The following RSPH1 variants were observed in gnomAD, a reference collection of about 807,000 sequenced individuals.
RSPH1 encodes radial spoke head 1 homolog.
A neutral mutation model predicts 44.2 loss-of-function variants in RSPH1; 32 were observed. That is an observed-to-expected ratio of 0.72 (90% CI 0.55 to 0.97). The LOEUF (loss-of-function observed/expected upper bound fraction) is 0.97, where lower values mean the gene tolerates loss of function less well. Among genes scored for constraint, RSPH1 ranks in the 50% least tolerant of loss-of-function variants. RSPH1 has a pLI of 0.00. For missense variants in RSPH1, 391 were observed against 398.7 expected (o/e 0.98, Z 0.16); for synonymous variants, 134 against 147.3 (o/e 0.91, Z 0.65).
In RSPH1 at chr21:42,474,394, G is replaced by A. The variant is rs1436758685; in HGVS notation, c.877+1504C>T. Among the ~76,000 whole-genome samples, 1 of 151,518 alleles carries A rather than the reference G, an allele frequency of 6.6e-6. No homozygotes were observed. Among genetic ancestry groups the A allele is most frequent in the African/African-American group, 2.4e-5 (1 of 40,830 alleles). ...GAGTCATCACCTCTCCTGGGTACAT[G>A]GTAACACGTCCCTGTCACTGCAGGG... is the stretch of plus-strand genomic sequence containing the variant. On this transcript the variant is annotated intron_variant, in intron 8 of 8. Transcript: ENST00000291536. The surrounding 1 kb of genome is among the most constrained non-coding windows in gnomAD (Gnocchi z 5.2).
At chr21:42,492,458 T>C (rs1166084811) in intron 3 of RSPH1, among the ~76,000 whole-genome samples, 1 of 152,206 alleles carries the variant, frequency 6.6e-6, no homozygotes, top group African/African-American at 2.4e-5. Context: ...AAGCCGTGGG[T>C]CCACCAGCTG....
At position 42,477,183 on chromosome 21, in the gene RSPH1, A is replaced by C. The variant is rs11700646; in HGVS notation, c.727+108T>G. 1,693 of 87,912 alleles carry C rather than the reference A, an allele frequency of 0.019. 194 individuals are homozygous for C. The African/African-American group carries it at 0.32, about 17-fold the overall frequency. The allele number at this position is 87,912 out of a possible 1,614,324, so 5.4% of individuals were successfully genotyped here. ...GCCCGGGGATGCCCCACACCCTCTG[A>C]CCCCTCCACCCCACAGCCCGGGGAT... On this transcript the variant is annotated intron_variant, in intron 7 of 8. Coordinates refer to ENST00000291536, the MANE Select transcript of RSPH1 (RefSeq NM_080860.4).
chr21:42,496,217 G>T lies in RSPH1; in HGVS notation c.-31C>A, dbSNP rs1351464346. On this transcript the variant is annotated 5_prime_UTR_variant, in exon 1 of 9. It adds an upstream start codon to the 5' untranslated region. Transcript: ENST00000291536. ...CGCCCCAGCCTGGATCACAGCCGCA[G>T]CGCCTCTAGCAGGTGGGTAGCAACC... is the stretch of plus-strand genomic sequence containing the variant. 12 of 1,613,524 alleles carry T rather than the reference G, an allele frequency of 7.4e-6. No individual in the cohort carries two copies. Among genetic ancestry groups the T allele is most frequent in the Non-Finnish European group, 1.0e-5 (12 of 1,179,652 alleles).
At chr21:42,490,938 G>A (rs1268849753) in intron 3 of RSPH1, among the ~76,000 whole-genome samples, 1 of 152,190 alleles carries the variant, frequency 6.6e-6, no homozygotes, top group African/African-American at 2.4e-5. Flanking sequence ...AGCTTCTGGG[G>A]TGATAAACAT....
intron 1 of RSPH1, 166 bp downstream of exon 1, chr21:42,495,967 A>C: frequency 1.5e-6 from 1 of 667,150 alleles, no homozygotes; most frequent in Middle Eastern, 2.5e-4. Flanking sequence ...ATCAACTTCC[A>C]GGACGCACGC....
Position 42,476,973 on chromosome 21 carries a change from TG to T in RSPH1, c.727+317del, listed in dbSNP as rs1286171522. Among the ~76,000 whole-genome samples, 5 of 84,534 alleles carry T rather than the reference TG, an allele frequency of 5.9e-5. No homozygotes were observed. In the East Asian group the frequency reaches 1.4e-3, roughly 23 times the overall value. The allele number at this position is 84,534 out of a possible 152,430, so 55.5% of individuals were successfully genotyped here. Reference sequence around the variant, plus strand: ...CGCCCACACCCTCCATCCCACAGCCTGGGGATGCCCCACACCCTCTGTCCCA... The same window carrying T: ...CGCCCACACCCTCCATCCCACAGCCTGGGATGCCCCACACCCTCTGTCCCA... On this transcript the variant is annotated intron_variant, in intron 7 of 8. Coordinates refer to ENST00000291536, the MANE Select transcript of RSPH1 (RefSeq NM_080860.4).
At chr21:42,495,994 G>A (rs1354720438) in intron 1 of RSPH1, 139 bp downstream of exon 1, 1 of 872,896 alleles carries the variant, frequency 1.1e-6, no homozygotes, top group Middle Eastern at 2.2e-4. Flanking sequence ...GTCTGGCGTG[G>A]CCTTCGTCCC....
rs573701226 is a variant in RSPH1 at position 42,484,047 on chromosome 21, G to A, written c.502-1339C>T. Among the ~76,000 whole-genome samples the A allele has an allele frequency of 4.6e-5, 7 of 152,158 alleles. No individual in the cohort carries two copies. In the South Asian group the frequency reaches 1.2e-3, roughly 27 times the overall value. On this transcript the variant is annotated intron_variant, in intron 5 of 8. Transcript: ENST00000291536. ...CTGTTTTAATTATTGAAGTTTTGTG[G>A]TATTGATAACTTGTCCACAAGGACA...
rs117827223 is a variant in RSPH1, at chr21:42,486,612, C to A, written c.275-151G>T. 8,660 of 629,734 alleles carry A rather than the reference C, an allele frequency of 0.014. 92 individuals are homozygous for A. Among genetic ancestry groups the A allele is most frequent in the Non-Finnish European group, 0.019 (6,664 of 342,396 alleles). 39.0% of individuals were successfully genotyped at this position (629,734 alleles called of 1,614,324 possible). A position where few individuals can be genotyped will look rare whatever the true frequency, so the allele number is the denominator to read the frequency against. ...ACAGGCCCCTTCTGCTCAGGAAATC[C>A]TGCAGAAGAGAGATTTTTAACAGCA... On this transcript the variant is annotated intron_variant, in intron 3 of 8. Coordinates refer to ENST00000291536, the MANE Select transcript of RSPH1 (RefSeq NM_080860.4).
intron 7 of RSPH1, among the ~76,000 whole-genome samples, chr21:42,476,297 T>C (rs551619915): frequency 2.6e-4 from 40 of 152,026 alleles, no homozygotes; most frequent in African/African-American, 7.5e-4. Context: ...CCTGAGGGTG[T>C]TGATGAGACT....
At chr21:42,477,914 AT>A (rs1231847522) in intron 6 of RSPH1, among the ~76,000 whole-genome samples, 1 of 152,140 alleles carries the variant, frequency 6.6e-6, no homozygotes, top group Non-Finnish European at 1.5e-5. Flanking sequence ...TATTCTTTAT[AT>A]AAATAATAAA....
intron 1 of RSPH1, among the ~76,000 whole-genome samples, chr21:42,495,172 C>T (rs2054275226): frequency 6.6e-6 from 1 of 152,228 alleles, no homozygotes; most frequent in African/African-American, 2.4e-5. Flanking sequence ...CTGCTTCTTG[C>T]ACTAGCTACT....
intron 6 of RSPH1, 51 bp from the exon 7 acceptor site, chr21:42,477,495 C>T: frequency 6.3e-7 from 1 of 1,591,342 alleles, no homozygotes; most frequent in Non-Finnish European, 8.6e-7. Flanking sequence ...TCATCTTGGT[C>T]TGGAATATTA....
At chr21:42,475,099 G>A (rs767773771) in intron 8 of RSPH1, among the ~76,000 whole-genome samples, 2 of 152,138 alleles carry the variant, frequency 1.3e-5, no homozygotes, top group Non-Finnish European at 2.9e-5. Flanking sequence ...TTCTGCAAGT[G>A]CCCACAAGCA....
chr21:42,482,532 T>G (rs971330077), intron 6 of RSPH1, 105 bp downstream of exon 6: 3 of 733,386 alleles, frequency 4.1e-6, no homozygotes, highest in Admixed American at 5.5e-5. Context: ...TGCCTAAGAG[T>G]TGGCATAACT....
Position 42,472,719 on chromosome 21 carries a change from T to G in RSPH1, c.*99A>C, listed in dbSNP as rs1344479959. The stretch of plus-strand genomic sequence containing the variant: ...TCTGGACTCAAGCAATCCTCCTGCC[T>G]CAGCCTCTCAAGTAGCTGGAACTAG... On this transcript the variant is annotated 3_prime_UTR_variant, in exon 9 of 9. Transcript: ENST00000291536. 6.7e-6 allele frequency: 6 copies of G among 894,650 alleles called. No individual in the cohort carries two copies. Among genetic ancestry groups the G allele is most frequent in the Non-Finnish European group, 1.1e-5 (6 of 565,114 alleles). The allele number at this position is 894,650 out of a possible 1,614,324, so 55.4% of individuals were successfully genotyped here. A position where few individuals can be genotyped will look rare whatever the true frequency, so the allele number is the denominator to read the frequency against.
Position 42,472,698 on chromosome 21 carries a change from G to A in RSPH1, c.*120C>T, listed in dbSNP as rs1215608385. The A allele has an allele frequency of 1.4e-6, 1 of 727,122 alleles. No homozygotes were observed. The highest frequency in any genetic ancestry group is 1.8e-5 in the African/African-American group (1 of 55,204). 45.0% of individuals were successfully genotyped at this position (727,122 alleles called of 1,614,324 possible). Reference sequence around the variant, plus strand: ...CACTCACTGCAACTGCCACTTTCTGGACTCAAGCAATCCTCCTGCCTCAGC... The same window carrying A: ...CACTCACTGCAACTGCCACTTTCTGAACTCAAGCAATCCTCCTGCCTCAGC... On this transcript the variant is annotated 3_prime_UTR_variant, in exon 9 of 9. Transcript: ENST00000291536.
chr21:42,483,014 T>C (rs993044148), intron 5 of RSPH1, among the ~76,000 whole-genome samples: 3 of 152,236 alleles, frequency 2.0e-5, no homozygotes, highest in African/African-American at 7.2e-5. Flanking sequence ...AATATTTTGA[T>C]GCATTCTTTG....
At chr21:42,485,632 G>A (rs752889068) in intron 5 of RSPH1, 37 bp downstream of exon 5, 14 of 1,613,004 alleles carry the variant, frequency 8.7e-6, no homozygotes, top group African/African-American at 1.3e-5. Context: ...GGGTTATTTT[G>A]TACTTCATTG....
Sources: gnomAD v4.1 joint callset for allele counts (sites outside exome capture counted in the v4.1 genomes callset) on GRCh38, gnomAD v4.1.1 for gene constraint, Gnocchi (gnomAD v3.1) non-coding constraint, MANE v1.5 for transcripts, NCBI Gene and HGNC (gene_info 2026-07-23, HGNC 2026-07-21) for gene names.